Variants in ANKFY1 observed in about 807,000 individuals in gnomAD.
ANKFY1 encodes the protein ankyrin repeat and FYVE domain containing 1.
A neutral mutation model predicts 128.3 loss-of-function variants in ANKFY1; 47 were observed. The ratio of observed to expected loss-of-function variants is 0.37; its 90% CI spans 0.29 to 0.47. The LOEUF is 0.47. ANKFY1 is among the 20% of genes least tolerant of loss of function. The probability of loss-of-function intolerance (pLI) is 1.00; values close to 1 mark genes in which losing one functional copy is unlikely to be tolerated. For synonymous variants in ANKFY1, 553 were observed against 601.6 expected, an observed-to-expected ratio of 0.92 and a Z score of 1.18; for missense variants, 1,222 against 1,510.6, an observed-to-expected ratio of 0.81 and a Z score of 3.17.
chr17:4,263,976 G>A lies in ANKFY1; in HGVS notation c.-35C>T, dbSNP rs1324684305. 1 of 1,613,936 alleles carries A rather than the reference G, an allele frequency of 6.2e-7. No individual in the cohort carries two copies. Among genetic ancestry groups the A allele is most frequent in the South Asian group, 1.1e-5 (1 of 91,076 alleles). On this transcript the variant is annotated 5_prime_UTR_variant, in exon 1 of 25. Transcript: ENST00000341657. ...GGCACTGCCTGCAACCTCGCGAGAA[G>A]TGCGCGGCTCAACCGGGGCGGTGCG...
In ANKFY1 at chr17:4,263,731, C is replaced by A. The variant is rs1259028601; in HGVS notation, c.10+201G>T. 6.7e-6 allele frequency: 10 copies of A among 1,481,872 alleles called. No individual in the cohort carries two copies. In the East Asian group the frequency reaches 1.8e-4, roughly 26 times the overall value. 91.8% of individuals were successfully genotyped at this position (1,481,872 alleles called of 1,614,324 possible). On this transcript the variant is annotated intron_variant, in intron 1 of 24. Coordinates refer to ENST00000341657, the MANE Select transcript of ANKFY1 (RefSeq NM_001330063.2). Reference sequence around the variant, plus strand: ...GGCCGCAGTCCCGCGGGGTCGGCATCGCGGGAGGGACGTTGTCATAGGAAC... The same window carrying A: ...GGCCGCAGTCCCGCGGGGTCGGCATAGCGGGAGGGACGTTGTCATAGGAAC...
intron 11 of ANKFY1, among the ~76,000 whole-genome samples, chr17:4,185,500 G>A (rs2059595343): frequency 6.6e-6 from 1 of 151,764 alleles, no homozygotes; most frequent in Admixed American, 6.6e-5. Flanking sequence ...ACCACGCCCG[G>A]CCCATTTTTT....
chr17:4,228,535 C>T (rs1361129016), intron 3 of ANKFY1, among the ~76,000 whole-genome samples: 1 of 152,050 alleles, frequency 6.6e-6, no homozygotes, highest in African/African-American at 2.4e-5. Context: ...CCTACCTCAG[C>T]CTCCCAAGTA....
chr17:4,196,144 TACACACACACACAC>T (rs35005172), intron 8 of ANKFY1, among the ~76,000 whole-genome samples: 1,521 of 83,848 alleles, frequency 0.018, 26 homozygotes, highest in South Asian at 0.059. Context: ...CTGCATCTAC[TACACACACACACAC>T]ACACACACAC....
At position 4,164,283 on chromosome 17, in the gene ANKFY1, A is replaced by C. The variant is rs2059173911; in HGVS notation, c.*3496T>G. On this transcript the variant is annotated 3_prime_UTR_variant, in exon 25 of 25. Coordinates refer to ENST00000341657, the MANE Select transcript of ANKFY1 (RefSeq NM_001330063.2). ...CAGGTTAATATATTATTTATGCCACACAAAAAAGGAATAGTACAGGCAATG... is the reference window on the plus strand; with the variant it reads ...CAGGTTAATATATTATTTATGCCACCCAAAAAAGGAATAGTACAGGCAATG... The C allele has an allele frequency of 6.5e-6, 1 of 152,708 alleles. No homozygotes were observed. Among genetic ancestry groups the C allele is most frequent in the South Asian group, 2.1e-4 (1 of 4,836 alleles). The allele number at this position is 152,708 out of a possible 1,614,324, so 9.5% of individuals were successfully genotyped here.
chr17:4,226,731 A>T (rs2060432247), intron 3 of ANKFY1, among the ~76,000 whole-genome samples: 1 of 150,426 alleles, frequency 6.6e-6, no homozygotes, highest in African/African-American at 2.4e-5. Context: ...CGACACAACG[A>T]GACTCCATCT....
intron 3 of ANKFY1, among the ~76,000 whole-genome samples, chr17:4,232,076 T>C (rs1055110272): frequency 6.6e-6 from 1 of 152,194 alleles, no homozygotes; most frequent in Non-Finnish European, 1.5e-5. Flanking sequence ...CCCTAACACC[T>C]TGAAAAGCGC....
At chr17:4,244,560 C>T (rs1269430869) in intron 1 of ANKFY1, among the ~76,000 whole-genome samples, 1 of 152,112 alleles carries the variant, frequency 6.6e-6, no homozygotes, top group East Asian at 1.9e-4. Context: ...CCCTCTTCCA[C>T]ATCACAGACA....
chr17:4,206,097 C>T (rs1397990200), intron 7 of ANKFY1, among the ~76,000 whole-genome samples: 5 of 152,204 alleles, frequency 3.3e-5, no homozygotes, highest in African/African-American at 1.2e-4. Context: ...TGTAGCCTTT[C>T]TTTCTGGGGC....
chr17:4,218,187 A>G (rs1461059228), intron 3 of ANKFY1, among the ~76,000 whole-genome samples: 1 of 152,220 alleles, frequency 6.6e-6, no homozygotes, highest in Non-Finnish European at 1.5e-5. Context: ...TAAAGAACAT[A>G]ACCTTTCACA....
rs1968568247 is a variant in ANKFY1, at chr17:4,263,947, G to A, written c.-6C>T. The stretch of plus-strand genomic sequence containing the variant: ...AAAACCCTACCTTCCGCCATGTCTG[G>A]CCCGGCACTGCCTGCAACCTCGCGA... On this transcript the variant is annotated 5_prime_UTR_variant, in exon 1 of 25. Coordinates refer to ENST00000341657, the MANE Select transcript of ANKFY1 (RefSeq NM_001330063.2). 1 of 1,613,856 alleles carries A rather than the reference G, an allele frequency of 6.2e-7. No homozygotes were observed. Among genetic ancestry groups the A allele is most frequent in the Admixed American group, 1.7e-5 (1 of 60,004 alleles).
intron 3 of ANKFY1, among the ~76,000 whole-genome samples, chr17:4,232,858 G>A (rs928023663): frequency 1.3e-5 from 2 of 152,074 alleles, no homozygotes; most frequent in Non-Finnish European, 2.9e-5. Context: ...GTGTTGTGTC[G>A]TTTTGTTTCA....
chr17:4,179,092 G>A (rs572046830), intron 17 of ANKFY1, 35 bp from the exon 18 acceptor site: 2 of 1,604,022 alleles, frequency 1.2e-6, no homozygotes, highest in Middle Eastern at 1.7e-4. Context: ...ATGTTCAATT[G>A]CAAGATAAAA....
In ANKFY1 at chr17:4,177,003, G is replaced by C. The variant is rs768722902; in HGVS notation, c.2775+123C>G. 1.2e-5 allele frequency: 13 copies of C among 1,069,522 alleles called. No homozygotes were observed. In the Admixed American group the frequency reaches 1.8e-4, roughly 15 times the overall value. 66.3% of individuals were successfully genotyped at this position (1,069,522 alleles called of 1,614,324 possible). A position where few individuals can be genotyped will look rare whatever the true frequency, so the allele number is the denominator to read the frequency against. On this transcript the variant is annotated intron_variant, in intron 19 of 24. Transcript: ENST00000341657. ...CCAGTTTCCTGAGTGCACCAGCCTC[G>C]CTCCCCAAATTCCCCAGGTGCTTTC...
intron 17 of ANKFY1, chr17:4,179,349 T>C (rs1598019185): frequency 5.6e-6 from 3 of 531,722 alleles, no homozygotes; most frequent in East Asian, 3.3e-5. Context: ...TAGGGCCTTA[T>C]ATATAAATCT....
At chr17:4,193,491 G>C (rs371870685) in intron 10 of ANKFY1, among the ~76,000 whole-genome samples, 29 of 138,080 alleles carry the variant, frequency 2.1e-4, no homozygotes, top group African/African-American at 7.0e-4. Flanking sequence ...TGCAATGCAC[G>C]ATCTTGGCTC....
At chr17:4,257,938 G>C (rs1968208096) in intron 1 of ANKFY1, among the ~76,000 whole-genome samples, 1 of 152,252 alleles carries the variant, frequency 6.6e-6, no homozygotes, top group Admixed American at 6.5e-5. Flanking sequence ...AATCATGATA[G>C]TATCTCAAAT....
chr17:4,222,123 G>C (rs1389530895), intron 3 of ANKFY1: 3 of 149,418 alleles, frequency 2.0e-5, no homozygotes, highest in Non-Finnish European at 4.5e-5. Flanking sequence ...CGGGCGGCCA[G>C]GCGCCGGGAG....
chr17:4,173,108 G>A (rs978454958), intron 21 of ANKFY1, among the ~76,000 whole-genome samples: 4 of 152,222 alleles, frequency 2.6e-5, no homozygotes, highest in African/African-American at 7.2e-5. Context: ...CGCCCGCCTC[G>A]GACTCCCGAA....
Sources: gnomAD v4.1 joint callset for allele counts (sites outside exome capture counted in the v4.1 genomes callset) on GRCh38, gnomAD v4.1.1 for gene constraint, MANE v1.5 for transcripts, NCBI Gene and HGNC (gene_info 2026-07-23, HGNC 2026-07-21) for gene names.